KALRN: variants seen among roughly 807,000 people sequenced by gnomAD.
KALRN encodes the protein kalirin RhoGEF kinase, also known as kalirin.
Under a neutral mutation model 353.7 loss-of-function variants are expected in KALRN, and 70 were observed. The observed-to-expected ratio is 0.20, with a 90% CI of 0.16 to 0.24. KALRN has a LOEUF of 0.24. Among genes scored for constraint, KALRN ranks in the 10% least tolerant of loss-of-function variants. The pLI, the probability that KALRN is intolerant of heterozygous loss-of-function variation, is 1.00. For missense variants in KALRN, 2,791 were observed against 3,756.7 expected (o/e 0.74, Z 6.72); for synonymous variants, 1,391 against 1,434.8 (o/e 0.97, Z 0.69).
chr3:124,648,199 C>T (rs1346942145), intron 37 of KALRN, among the ~76,000 whole-genome samples: 2 of 152,228 alleles, frequency 1.3e-5, no homozygotes, highest in African/African-American at 2.4e-5. Context: ...TGAATTATTA[C>T]AAGCATTAAA....
rs1308646575 is a variant in KALRN, at chr3:124,224,141, G to C, written c.74-3849G>C. Among the ~76,000 whole-genome samples, 3 of 147,606 alleles carry C rather than the reference G, an allele frequency of 2.0e-5. No homozygotes were observed. The Admixed American group carries it at 2.1e-4, about 10-fold the overall frequency. ...CACGTTGGGTCAGGTCCATGAAGGT[G>C]CCATCCCTGATTTTGTTTTTTTTTT... On this transcript the variant is annotated intron_variant, in intron 1 of 59. Coordinates refer to ENST00000682506, the MANE Select transcript of KALRN (RefSeq NM_001388419.1).
chr3:124,577,689 C>G (rs1157530145), intron 34 of KALRN, among the ~76,000 whole-genome samples: 1 of 152,060 alleles, frequency 6.6e-6, no homozygotes, highest in Non-Finnish European at 1.5e-5. Flanking sequence ...GAGTTCAAGA[C>G]CAGCCTGGGC....
At position 124,702,073 on chromosome 3, in the gene KALRN, G is replaced by A; in HGVS notation, c.8032G>A (p.Glu2678Lys). Residue 2678 changes from glutamate (E) to lysine (K), a missense_variant, in exon 57 of 60, where the codon GAA becomes AAA. Transcript: ENST00000682506. ...TGATGGTGCCACCATTTCTTGGAAG[G>A]AAAATTTTGACTCAGCTTACACTGA... Reference protein sequence around the residue: ...AADGATISWKENFDSAYTELN... With the variant: ...AADGATISWKKNFDSAYTELN... 6.2e-7 allele frequency: 1 copy of A among 1,613,764 alleles called. No homozygotes were observed. Among genetic ancestry groups the A allele is most frequent in the Non-Finnish European group, 8.5e-7 (1 of 1,179,910 alleles).
intron 14 of KALRN, among the ~76,000 whole-genome samples, chr3:124,415,347 G>A (rs554277073): frequency 1.2e-4 from 18 of 152,328 alleles, no homozygotes; most frequent in South Asian, 1.0e-3. Context: ...GCTTTTATTC[G>A]TGATAATTAA....
chr3:124,113,061 C>T (rs146110544), intron 1 of KALRN, among the ~76,000 whole-genome samples: 4 of 152,206 alleles, frequency 2.6e-5, no homozygotes, highest in Non-Finnish European at 5.9e-5. Context: ...AGCCCAGTGA[C>T]GAGGTTTGTT....
At chr3:124,350,909 G>C (rs999526878) in intron 10 of KALRN, among the ~76,000 whole-genome samples, 1 of 152,210 alleles carries the variant, frequency 6.6e-6, no homozygotes, top group African/African-American at 2.4e-5. Context: ...AGCCTCCAGA[G>C]CTGGATCTTG....
chr3:124,544,618 GTATATCTA>G (rs2069423404), intron 33 of KALRN, among the ~76,000 whole-genome samples: 1 of 150,676 alleles, frequency 6.6e-6, no homozygotes, highest in South Asian at 2.1e-4. Context: ...ATATATCTAT[GTATATCTA>G]TATATCTATA....
chr3:124,456,673 C>T lies in KALRN; in HGVS notation c.3799C>T (p.Arg1267Trp), dbSNP rs1025185719. 3 of 1,613,144 alleles carry T rather than the reference C, an allele frequency of 1.9e-6. No homozygotes were observed. The highest frequency in any genetic ancestry group is 2.5e-6 in the Non-Finnish European group (3 of 1,179,506). ...CCTTTCGGATCGGGAGGTCAAGCTG[C>T]GGGACGCCAACCACGAAGTCAATGA... ...ASLSDREVKL[R>W]DANHEVNEEK... Residue 1267 changes from arginine to tryptophan, a missense_variant, in exon 23 of 60, where the codon CGG (arginine) becomes TGG (tryptophan). Arg to Trp is a moderately radical substitution (Grantham distance 101, BLOSUM62 -3). Around this residue, in one of 11 missense-constraint regions of KALRN, gnomAD observed 268 missense variants for 347.0 expected, o/e 0.77. Coordinates refer to ENST00000682506, the MANE Select transcript of KALRN (RefSeq NM_001388419.1).
At chr3:124,305,873 A>G (rs2077649065) in intron 6 of KALRN, among the ~76,000 whole-genome samples, 3 of 152,340 alleles carry the variant, frequency 2.0e-5, no homozygotes, top group Admixed American at 1.3e-4. Context: ...CAGGAAAAAA[A>G]AGGAGTAAAA....
At chr3:124,472,792 C>G (rs1265771717) in intron 25 of KALRN, among the ~76,000 whole-genome samples, 1 of 152,074 alleles carries the variant, frequency 6.6e-6, no homozygotes, top group African/African-American at 2.4e-5. Context: ...ACTTGTAGTT[C>G]TTTAAAAGGT....
At chr3:124,045,749 T>TGGG (rs10576725) in intron 1 of KALRN, among the ~76,000 whole-genome samples, 3 of 143,514 alleles carry the variant, frequency 2.1e-5, no homozygotes, top group African/African-American at 8.3e-5. Flanking sequence ...AACAGCCTAA[T>TGGG]GGGGGGGGGG....
chr3:124,111,761 A>G (rs919256843), intron 1 of KALRN, among the ~76,000 whole-genome samples: 14 of 152,202 alleles, frequency 9.2e-5, no homozygotes, highest in African/African-American at 3.1e-4. Flanking sequence ...AAAATTTGGG[A>G]TACTCTGTGT....
intron 1 of KALRN, among the ~76,000 whole-genome samples, chr3:124,087,783 T>G (rs1441600899): frequency 6.6e-6 from 1 of 152,140 alleles, no homozygotes; most frequent in African/African-American, 2.4e-5. Context: ...CCACATGGCC[T>G]TTCCATGTAG....
At chr3:124,272,905 A>G (rs1208039604) in intron 5 of KALRN, among the ~76,000 whole-genome samples, 1 of 152,156 alleles carries the variant, frequency 6.6e-6, no homozygotes, top group African/African-American at 2.4e-5. Flanking sequence ...GTGGATCCAC[A>G]TCTAAACAAG....
chr3:124,162,526 A>G (rs1484810927), intron 1 of KALRN: 1 of 152,238 alleles, frequency 6.6e-6, no homozygotes, highest in African/African-American at 2.4e-5. Flanking sequence ...TAATGTATTT[A>G]AATCACAAAT....
At chr3:124,282,312 G>T (rs1470907864) in intron 5 of KALRN, among the ~76,000 whole-genome samples, 1 of 151,586 alleles carries the variant, frequency 6.6e-6, no homozygotes, top group Non-Finnish European at 1.5e-5. Context: ...TGAAAGAAGT[G>T]ATTATGAAGG....
chr3:124,532,231 A>G lies in KALRN; in HGVS notation c.4936-30612A>G, dbSNP rs561022598. On this transcript the variant is annotated intron_variant, in intron 33 of 59. Transcript: ENST00000682506. Reference sequence around the variant, plus strand: ...ACATAAGTGTAAGAACATGCCACATATGTCATGTCACCTCTTATAAGTAAT... The same window carrying G: ...ACATAAGTGTAAGAACATGCCACATGTGTCATGTCACCTCTTATAAGTAAT... Among the ~76,000 whole-genome samples the G allele has an allele frequency of 2.6e-5, 4 of 152,342 alleles. No individual in the cohort carries two copies. The East Asian group carries it at 7.7e-4, about 29-fold the overall frequency.
intron 1 of KALRN, among the ~76,000 whole-genome samples, chr3:124,194,176 A>G (rs2075212278): frequency 6.6e-6 from 1 of 152,202 alleles, no homozygotes; most frequent in South Asian, 2.1e-4. Flanking sequence ...CCAAAAAATT[A>G]GTTGCTAGGT....
intron 27 of KALRN, among the ~76,000 whole-genome samples, chr3:124,481,409 G>T (rs1056675966): frequency 6.6e-6 from 1 of 152,118 alleles, no homozygotes; most frequent in African/African-American, 2.4e-5. Context: ...ATCTGGCCAT[G>T]TTGCCCCGGC....
Sources: gnomAD v4.1 joint callset for allele counts (sites outside exome capture counted in the v4.1 genomes callset) on GRCh38, gnomAD v4.1.1 for gene constraint, gnomAD v4.1.1 regional missense constraint, MANE v1.5 for transcripts, NCBI Gene and HGNC (gene_info 2026-07-23, HGNC 2026-07-21) for gene names.